The following C12orf42 variants were observed in gnomAD, a reference collection of about 807,000 sequenced individuals.
The protein encoded by C12orf42 is uncharacterized protein C12orf42.
C12orf42 carries 25 observed loss-of-function variants against 21.6 expected under a neutral mutation model. The observed-to-expected ratio is 1.16, with a 90% CI of 0.84 to 1.62. The LOEUF is 1.62. Among genes scored for constraint, C12orf42 ranks in the 40% most tolerant of loss-of-function variants. C12orf42 has a pLI of 0.00. For missense variants in C12orf42, 483 were observed against 459.3 expected (o/e 1.05, Z -0.47); for synonymous variants, 174 against 175.0 (o/e 0.99, Z 0.05).
At chr12:103,482,556 A>G (rs1318419225) in intron 1 of C12orf42, among the ~76,000 whole-genome samples, 1 of 151,962 alleles carries the variant, frequency 6.6e-6, no homozygotes, top group Non-Finnish European at 1.5e-5. Context: ...GTGGATTTTT[A>G]GTTTCATTTT....
At chr12:103,206,444 A>C in the C12orf42 span, among the ~76,000 whole-genome samples, 1 of 152,074 alleles carries the variant, frequency 6.6e-6, no homozygotes. Context: ...AATATTGGCA[A>C]TGTTCTATAT....
At chr12:103,224,167 C>G in the C12orf42 span, among the ~76,000 whole-genome samples, 1 of 152,200 alleles carries the variant, frequency 6.6e-6, no homozygotes, top group Admixed American at 6.5e-5. Flanking sequence ...TTTTAGTTAT[C>G]TGACTCAGGT....
At chr12:103,226,661 G>T in the C12orf42 span, among the ~76,000 whole-genome samples, 1 of 152,164 alleles carries the variant, frequency 6.6e-6, no homozygotes, top group Admixed American at 6.5e-5. Context: ...GAGGGGAAGT[G>T]ATAAAAAGAT....
At position 103,242,312 on chromosome 12, in the gene C12orf42, GT is replaced by G. The variant is rs556848495; in HGVS notation, c.*1367-4411del. Reference sequence around the variant, plus strand: ...TTTGACCTAAATTTATTTTCTTTCAGTTGTGCTATGAAACATTTTCTCAGAC... The same window carrying G: ...TTTGACCTAAATTTATTTTCTTTCAGTGTGCTATGAAACATTTTCTCAGAC... On this transcript the variant is annotated intron_variant and NMD_transcript_variant, in intron 10 of 10. Coordinates refer to the C12orf42 transcript ENST00000547347. 9.3e-4 allele frequency among the ~76,000 whole-genome samples: 142 copies of G among 152,216 alleles called. 1 individual carries two copies. The highest frequency in any genetic ancestry group is 3.2e-3 in the African/African-American group (135 of 41,544).
chr12:103,281,395 C>T (rs998397661), intron 4 of C12orf42, among the ~76,000 whole-genome samples: 17 of 152,222 alleles, frequency 1.1e-4, no homozygotes, highest in African/African-American at 3.9e-4. Flanking sequence ...TGGAGTCTCA[C>T]TCTGTCACCC....
the C12orf42 span, among the ~76,000 whole-genome samples, chr12:103,132,095 G>C: frequency 6.6e-6 from 1 of 152,048 alleles, no homozygotes; most frequent in Non-Finnish European, 1.5e-5. Context: ...GGCAGAATGG[G>C]GTGAATAGTA....
chr12:103,533,231 T>G, the C12orf42 span, among the ~76,000 whole-genome samples: 1 of 152,220 alleles, frequency 6.6e-6, no homozygotes, highest in Non-Finnish European at 1.5e-5. Flanking sequence ...AACAGCAAAT[T>G]AGTTTTGGGG....
chr12:103,355,040 G>A (rs145502383), intron 4 of C12orf42, among the ~76,000 whole-genome samples: 4 of 152,168 alleles, frequency 2.6e-5, no homozygotes, highest in African/African-American at 9.6e-5. Context: ...CGATTACTAT[G>A]TACCCATTAC....
At chr12:103,509,991 A>G in the C12orf42 span, among the ~76,000 whole-genome samples, 21 of 152,348 alleles carry the variant, frequency 1.4e-4, no homozygotes, top group East Asian at 4.1e-3. Flanking sequence ...TGATCCAGCA[A>G]TCCCACTACT....
rs1004885539 is a variant in C12orf42, at chr12:103,330,246, A to T, written c.260-23901T>A. Among the ~76,000 whole-genome samples, 21 of 152,364 alleles carry T rather than the reference A, an allele frequency of 1.4e-4. No homozygotes were observed. The South Asian group carries it at 3.5e-3, about 26-fold the overall frequency. On this transcript the variant is annotated intron_variant, in intron 4 of 5. Coordinates refer to ENST00000548883, the MANE Select transcript of C12orf42 (RefSeq NM_198521.5). ...TTAAAAGAATTTAATAAGCCTACCCAATTCCAGATGAACCTGTGTACAAAG... is the reference window on the plus strand; with the variant it reads ...TTAAAAGAATTTAATAAGCCTACCCTATTCCAGATGAACCTGTGTACAAAG...
chr12:103,304,742 C>T (rs572372747), intron 5 of C12orf42, among the ~76,000 whole-genome samples: 19 of 152,262 alleles, frequency 1.2e-4, no homozygotes, highest in Non-Finnish European at 2.5e-4. Flanking sequence ...AAGTGTTAGC[C>T]GACCAGCATC....
chr12:103,055,893 T>C, the C12orf42 span, among the ~76,000 whole-genome samples: 41 of 152,058 alleles, frequency 2.7e-4, no homozygotes, highest in African/African-American at 8.9e-4. Context: ...CCACCATAGT[T>C]AGAGAAAATA....
At chr12:103,543,355 T>C in the C12orf42 span, among the ~76,000 whole-genome samples, 3 of 152,186 alleles carry the variant, frequency 2.0e-5, no homozygotes, top group Non-Finnish European at 4.4e-5. Context: ...ACACTTGTAA[T>C]CCCAGCACTC....
intron 3 of C12orf42, among the ~76,000 whole-genome samples, chr12:103,384,827 A>C (rs1282190051): frequency 6.6e-6 from 1 of 152,216 alleles, no homozygotes; most frequent in Non-Finnish European, 1.5e-5. Flanking sequence ...CAGGGTTAAC[A>C]GGAGGCCATG....
the C12orf42 span, among the ~76,000 whole-genome samples, chr12:103,176,549 T>G: frequency 6.6e-6 from 1 of 152,198 alleles, no homozygotes; most frequent in Non-Finnish European, 1.5e-5. Flanking sequence ...CTGGTCCCAT[T>G]CTGTGGTATT....
chr12:103,345,774 T>C (rs2042565704), intron 4 of C12orf42, among the ~76,000 whole-genome samples: 1 of 152,176 alleles, frequency 6.6e-6, no homozygotes, highest in Admixed American at 6.5e-5. Flanking sequence ...GGTATAATAT[T>C]GTTGAGCCAT....
the C12orf42 span, chr12:103,557,680 A>G: frequency 6.6e-6 from 1 of 152,078 alleles, no homozygotes; most frequent in Non-Finnish European, 1.5e-5. Context: ...CACATACCCA[A>G]AACACTAAAC....
chr12:103,440,547 C>T (rs937834605), intron 2 of C12orf42, among the ~76,000 whole-genome samples: 12 of 143,198 alleles, frequency 8.4e-5, no homozygotes, highest in East Asian at 6.4e-4. Context: ...GCAAAATAGA[C>T]GCATAAATTT....
chr12:103,224,594 A>G, the C12orf42 span, among the ~76,000 whole-genome samples: 101 of 152,234 alleles, frequency 6.6e-4, no homozygotes, highest in Non-Finnish European at 1.1e-3. Flanking sequence ...AACAATGGTA[A>G]TTGTGGGACT....
Sources: allele counts gnomAD v4.1 joint callset (sites outside exome capture counted in the v4.1 genomes callset), GRCh38; gene constraint gnomAD v4.1.1; transcripts MANE v1.5; gene names NCBI Gene and HGNC (gene_info 2026-07-23, HGNC 2026-07-21).